Variants in AGBL4 observed in about 807,000 individuals in gnomAD.
AGBL4 encodes cytosolic carboxypeptidase 6.
Under a neutral mutation model 66.4 loss-of-function variants are expected in AGBL4, and 58 were observed. The ratio of observed to expected loss-of-function variants is 0.87; its 90% CI spans 0.71 to 1.09. The LOEUF is 1.09. Ranked by LOEUF, AGBL4 falls within the 50% of genes least tolerant of loss-of-function variation. The pLI is 0.00. For missense variants in AGBL4, 579 were observed against 631.0 expected (o/e 0.92, Z 0.88); for synonymous variants, 234 against 222.9 (o/e 1.05, Z -0.44).
At chr1:49,245,297 A>C (rs1322838638) in intron 4 of AGBL4, among the ~76,000 whole-genome samples, 2 of 145,286 alleles carry the variant, frequency 1.4e-5, no homozygotes, top group East Asian at 3.9e-4. Flanking sequence ...CACACACACA[A>C]AACACAAAAA....
intron 3 of AGBL4, among the ~76,000 whole-genome samples, chr1:49,442,223 T>C (rs1646050652): frequency 6.6e-6 from 1 of 152,086 alleles, no homozygotes; most frequent in African/African-American, 2.4e-5. Flanking sequence ...CAATCTTACC[T>C]CAAAAGCTGC....
intron 6 of AGBL4, among the ~76,000 whole-genome samples, chr1:48,784,830 T>C (rs1645373977): frequency 6.6e-6 from 1 of 152,166 alleles, no homozygotes; most frequent in African/African-American, 2.4e-5. Flanking sequence ...ATACTCTGCA[T>C]AAGCAACAAA....
intron 4 of AGBL4, among the ~76,000 whole-genome samples, chr1:49,051,626 T>G (rs1644212870): frequency 6.6e-6 from 1 of 152,140 alleles, no homozygotes; most frequent in African/African-American, 2.4e-5. Flanking sequence ...CTTGAGCCAT[T>G]TGCCCCCCTC....
At chr1:49,347,477 T>C (rs1457237554) in intron 3 of AGBL4, among the ~76,000 whole-genome samples, 3 of 151,994 alleles carry the variant, frequency 2.0e-5, no homozygotes, top group Non-Finnish European at 2.9e-5. Context: ...GGTTTCGATC[T>C]CCTGACCTCA....
At chr1:49,748,946 A>C (rs1201884678) in intron 2 of AGBL4, among the ~76,000 whole-genome samples, 1 of 152,104 alleles carries the variant, frequency 6.6e-6, no homozygotes, top group Non-Finnish European at 1.5e-5. Flanking sequence ...ATTTTCTCCC[A>C]TTCTATAGGT....
At chr1:49,865,608 T>C (rs1036659468) in intron 1 of AGBL4, among the ~76,000 whole-genome samples, 4 of 151,986 alleles carry the variant, frequency 2.6e-5, no homozygotes, top group Admixed American at 1.3e-4. Context: ...AAAGTCATCA[T>C]CCTCAAAGAT....
At chr1:49,186,826 G>T (rs533439139) in intron 4 of AGBL4, among the ~76,000 whole-genome samples, 1 of 152,284 alleles carries the variant, frequency 6.6e-6, no homozygotes, top group South Asian at 2.1e-4. Context: ...GTGGGAAAAT[G>T]GGCATAACTG....
At chr1:49,619,022 G>C (rs1047273412) in intron 3 of AGBL4, among the ~76,000 whole-genome samples, 3 of 152,076 alleles carry the variant, frequency 2.0e-5, no homozygotes, top group East Asian at 1.9e-4. Flanking sequence ...ATACTGAATG[G>C]GCAAAACCTG....
intron 3 of AGBL4, among the ~76,000 whole-genome samples, chr1:49,627,418 GC>G (rs1645485294): frequency 6.6e-6 from 1 of 152,072 alleles, no homozygotes; most frequent in Admixed American, 6.6e-5. Flanking sequence ...TTCTGAGTGT[GC>G]CTACTCCCAT....
chr1:49,259,299 C>T lies in AGBL4; in HGVS notation c.283-13435G>A, dbSNP rs564859902. 8.6e-3 allele frequency among the ~76,000 whole-genome samples: 1,312 copies of T among 151,952 alleles called. 11 individuals carry two copies. The highest frequency in any genetic ancestry group is 0.01 in the Admixed American group (159 of 15,242). On this transcript the variant is annotated intron_variant, in intron 3 of 13. Transcript: ENST00000371839. ...TCATAATGACAGGATCAAATTCACA[C>T]ATAACAATATTAACTTTAAATGTAA...
intron 5 of AGBL4, among the ~76,000 whole-genome samples, chr1:48,869,523 T>G (rs1648437385): frequency 6.6e-6 from 1 of 152,216 alleles, no homozygotes; most frequent in African/African-American, 2.4e-5. Context: ...TAAGAACTAT[T>G]GCTAAACGGC....
At chr1:49,615,290 C>T (rs1346601159) in intron 3 of AGBL4, among the ~76,000 whole-genome samples, 2 of 152,068 alleles carry the variant, frequency 1.3e-5, no homozygotes, top group African/African-American at 4.8e-5. Context: ...TATGCTAGAA[C>T]AGAAAACTCA....
chr1:49,041,415 C>A (rs1253038704), intron 5 of AGBL4, among the ~76,000 whole-genome samples: 3 of 152,058 alleles, frequency 2.0e-5, no homozygotes, highest in Non-Finnish European at 4.4e-5. Context: ...CTGATCTAGT[C>A]CAGATGGCAC....
intron 3 of AGBL4, among the ~76,000 whole-genome samples, chr1:49,376,225 C>A (rs1557881817): frequency 6.6e-6 from 1 of 151,996 alleles, no homozygotes; most frequent in Non-Finnish European, 1.5e-5. Context: ...ACCTTTATTC[C>A]CTTTTCATGT....
intron 3 of AGBL4, among the ~76,000 whole-genome samples, chr1:49,351,260 T>C (rs1474758197): frequency 6.6e-6 from 1 of 152,170 alleles, no homozygotes; most frequent in African/African-American, 2.4e-5. Context: ...CTTTAGTAAC[T>C]TAGAACCCAG....
At chr1:49,863,442 A>G (rs1646624084) in intron 1 of AGBL4, among the ~76,000 whole-genome samples, 1 of 152,212 alleles carries the variant, frequency 6.6e-6, no homozygotes, top group Non-Finnish European at 1.5e-5. Flanking sequence ...GACATCACAT[A>G]CAGTTAAAAA....
intron 9 of AGBL4, among the ~76,000 whole-genome samples, chr1:48,619,243 A>T (rs879375859): frequency 5.3e-5 from 8 of 152,222 alleles, no homozygotes; most frequent in African/African-American, 9.6e-5. Context: ...GCTCTGTGCA[A>T]GAGAGTGCAG....
intron 6 of AGBL4, among the ~76,000 whole-genome samples, chr1:48,688,156 G>T (rs1380556833): frequency 2.6e-5 from 4 of 152,182 alleles, no homozygotes; most frequent in African/African-American, 9.6e-5. Flanking sequence ...AGGAAGAGAA[G>T]GAAGGAGGCA....
intron 3 of AGBL4, among the ~76,000 whole-genome samples, chr1:49,426,470 T>C (rs1320433229): frequency 1.3e-5 from 2 of 152,324 alleles, no homozygotes; most frequent in Admixed American, 1.3e-4. Flanking sequence ...GTTAACTATA[T>C]AAACCAAAAA....
Sources: gnomAD v4.1 joint callset for allele counts (sites outside exome capture counted in the v4.1 genomes callset) on GRCh38, gnomAD v4.1.1 for gene constraint, MANE v1.5 for transcripts, NCBI Gene and HGNC (gene_info 2026-07-23, HGNC 2026-07-21) for gene names.